The following FAM118A variants were observed in gnomAD, a reference collection of about 807,000 sequenced individuals.
FAM118A encodes SIR2 antiphage like 2.
Under a neutral mutation model 38.2 loss-of-function variants are expected in FAM118A, and 25 were observed. The observed-to-expected ratio is 0.65, with a 90% CI of 0.48 to 0.91. The LOEUF (loss-of-function observed/expected upper bound fraction) is 0.91. FAM118A is among the 40% of genes least tolerant of loss of function. The pLI is 0.00. For synonymous variants in FAM118A, 178 were observed against 184.1 expected, an observed-to-expected ratio of 0.97 and a Z score of 0.27; for missense variants, 425 against 463.3, an observed-to-expected ratio of 0.92 and a Z score of 0.76.
chr22:45,340,536 C>T lies in FAM118A; in HGVS notation c.*131C>T. ...ACCGTCACATACACCAAGAGAGCCACATGGGCATGTGGCCCTCAAGGCTGG... is the reference window on the plus strand; with the variant it reads ...ACCGTCACATACACCAAGAGAGCCATATGGGCATGTGGCCCTCAAGGCTGG... On this transcript the variant is annotated 3_prime_UTR_variant, in exon 9 of 9. Coordinates refer to ENST00000441876, the MANE Select transcript of FAM118A (RefSeq NM_017911.4). 1 of 1,113,666 alleles carries T rather than the reference C, an allele frequency of 9.0e-7. No individual in the cohort carries two copies. Among genetic ancestry groups the T allele is most frequent in the Non-Finnish European group, 1.4e-6 (1 of 731,718 alleles). The allele number at this position is 1,113,666 out of a possible 1,614,324, so 69.0% of individuals were successfully genotyped here. A position where few individuals can be genotyped will look rare whatever the true frequency, so the allele number is the denominator to read the frequency against.
intron 3 of FAM118A, 71 bp downstream of exon 3, chr22:45,323,498 A>G (rs1276245091): frequency 6.4e-7 from 1 of 1,559,890 alleles, no homozygotes; most frequent in Non-Finnish European, 8.7e-7. Flanking sequence ...TGTGAACCTA[A>G]TGTTAAACTC....
chr22:45,337,106 A>AAGAATAAGTATGTTATT, intron 8 of FAM118A, among the ~76,000 whole-genome samples: 1 of 152,094 alleles, frequency 6.6e-6, no homozygotes, highest in African/African-American at 2.4e-5. Context: ...CATTCTTTAA[A>AAGAATAAGTATGTTATT]TAACATACTT....
intron 5 of FAM118A, 53 bp from the exon 6 acceptor site, chr22:45,332,372 A>C (rs2085782015): frequency 6.4e-7 from 1 of 1,562,172 alleles, no homozygotes; most frequent in Non-Finnish European, 8.7e-7. Context: ...GTTAGTTGTA[A>C]GCTCTTGCTG....
chr22:45,325,462 C>T (rs1170669006), intron 3 of FAM118A, among the ~76,000 whole-genome samples: 1 of 152,102 alleles, frequency 6.6e-6, no homozygotes, highest in South Asian at 2.1e-4. Flanking sequence ...CTCTAAGCTG[C>T]TTGATGGAAG....
intron 3 of FAM118A, among the ~76,000 whole-genome samples, chr22:45,324,998 G>C (rs2085158381): frequency 6.6e-6 from 1 of 152,230 alleles, no homozygotes; most frequent in African/African-American, 2.4e-5. Flanking sequence ...AATGAACCAA[G>C]ATTGTGCCAT....
At chr22:45,337,970 T>C (rs142070642) in intron 8 of FAM118A, 74 of 895,204 alleles carry the variant, frequency 8.3e-5, no homozygotes, top group Non-Finnish European at 7.6e-5. Flanking sequence ...GATTTGAAGG[T>C]ACCCGTTGCT....
At chr22:45,335,958 CTG>C (rs1052955146) in intron 7 of FAM118A, among the ~76,000 whole-genome samples, 1 of 152,244 alleles carries the variant, frequency 6.6e-6, no homozygotes, top group African/African-American at 2.4e-5. Context: ...GCGGAGGCCT[CTG>C]TGCGCAGCCC....
In FAM118A at chr22:45,327,653, C is replaced by T. The variant is rs897282139; in HGVS notation, c.301-189C>T. ...TCTCTGCCGTGCTTTCCTGTGGCAG[C>T]GTCACCGGTGGCGTGCTACACGTGA... On this transcript the variant is annotated intron_variant, in intron 3 of 8. Transcript: ENST00000441876. Among the ~76,000 whole-genome samples, 21 of 152,312 alleles carry T rather than the reference C, an allele frequency of 1.4e-4. No homozygotes were observed. In the South Asian group the frequency reaches 1.9e-3, roughly 14 times the overall value.
intron 8 of FAM118A, 76 bp from the exon 9 acceptor site, chr22:45,340,310 A>G: frequency 1.9e-6 from 3 of 1,555,248 alleles, no homozygotes; most frequent in Non-Finnish European, 2.7e-6. Flanking sequence ...GCAGTTTCTG[A>G]AATAGAAATC....
At chr22:45,326,824 CAAAAAAAAAA>C (rs36188767) in intron 3 of FAM118A, among the ~76,000 whole-genome samples, 1 of 40,476 alleles carries the variant, frequency 2.5e-5, no homozygotes, top group East Asian at 7.7e-4. Flanking sequence ...GACTCTGTCT[CAAAAAAAAAA>C]AAAAAAAAAA....
chr22:45,320,983 T>G (rs2084844530), intron 1 of FAM118A, among the ~76,000 whole-genome samples: 2 of 152,218 alleles, frequency 1.3e-5, no homozygotes, highest in African/African-American at 4.8e-5. Flanking sequence ...CATGTGTCAG[T>G]AAGAGAGAAT....
intron 3 of FAM118A, among the ~76,000 whole-genome samples, chr22:45,327,410 G>A (rs1031995235): frequency 1.3e-5 from 2 of 151,930 alleles, no homozygotes; most frequent in Middle Eastern, 3.2e-3. Context: ...TTCTGCTGCC[G>A]ACTCTTCCCC....
At chr22:45,315,250 A>G (rs1398238680) in intron 1 of FAM118A, among the ~76,000 whole-genome samples, 1 of 152,200 alleles carries the variant, frequency 6.6e-6, no homozygotes, top group Non-Finnish European at 1.5e-5. Context: ...ACTTATTTCC[A>G]TCATTACAAA....
intron 6 of FAM118A, among the ~76,000 whole-genome samples, chr22:45,333,339 A>C (rs1468337732): frequency 6.7e-6 from 1 of 150,090 alleles, no homozygotes; most frequent in East Asian, 2.1e-4. Flanking sequence ...CAACCTGGGC[A>C]ACATAGGGAG....
chr22:45,335,056 T>A, intron 6 of FAM118A: 1 of 429,734 alleles, frequency 2.3e-6, no homozygotes, highest in South Asian at 5.6e-5. Flanking sequence ...CTCGAATTCA[T>A]GGAGTGCCAC....
Position 45,330,594 on chromosome 22 carries a change from GT to G in FAM118A, c.523-6del. On this transcript the variant is annotated splice_region_variant and splice_polypyrimidine_tract_variant and intron_variant, in intron 4 of 8. Coordinates refer to ENST00000441876, the MANE Select transcript of FAM118A (RefSeq NM_017911.4). The stretch of plus-strand genomic sequence containing the variant: ...ATGTGTTTCTTTTTCTTGGCTTGAT[GT>G]TTGGTAGGTCCTTGAATGGGCAAGA... The G allele has an allele frequency of 6.5e-7, 1 of 1,526,828 alleles. No individual in the cohort carries two copies. The highest frequency in any genetic ancestry group is 8.8e-7 in the Non-Finnish European group (1 of 1,140,624). The allele number at this position is 1,526,828 out of a possible 1,614,324, so 94.6% of individuals were successfully genotyped here.
rs13054213 is a variant in FAM118A, at chr22:45,337,607, T to A, written c.1054+1196T>A. Among the ~76,000 whole-genome samples the A allele has an allele frequency of 3.5e-3, 536 of 152,084 alleles. 1 individual carries two copies. The highest frequency in any genetic ancestry group is 3.7e-3 in the South Asian group (18 of 4,812). ...CAGAACTGAATAAGAAATTTTTTTT[T>A]AAAAAAAGTATGCATTCTCTTCATC... On this transcript the variant is annotated intron_variant, in intron 8 of 8. Transcript: ENST00000441876.
intron 3 of FAM118A, among the ~76,000 whole-genome samples, chr22:45,327,304 T>C (rs1311819547): frequency 6.9e-6 from 1 of 145,754 alleles, no homozygotes; most frequent in Non-Finnish European, 1.5e-5. Flanking sequence ...GAAGACACGC[T>C]GTTTCATTAC....
At chr22:45,337,547 C>T (rs1373388685) in intron 8 of FAM118A, among the ~76,000 whole-genome samples, 1 of 151,974 alleles carries the variant, frequency 6.6e-6, no homozygotes. Context: ...CTAACGTTTC[C>T]CAATATTCTT....
Sources: allele counts gnomAD v4.1 joint callset (sites outside exome capture counted in the v4.1 genomes callset), GRCh38; gene constraint gnomAD v4.1.1; transcripts MANE v1.5; gene names NCBI Gene and HGNC (gene_info 2026-07-23, HGNC 2026-07-21).